Variants in FOXP2 observed in about 807,000 individuals in gnomAD.
FOXP2 encodes forkhead box P2.
A neutral mutation model predicts 115.8 loss-of-function variants in FOXP2; 12 were observed. The observed-to-expected ratio is 0.10, with a 90% CI of 0.07 to 0.17. FOXP2 has a LOEUF of 0.17. Ranked by LOEUF, FOXP2 falls within the 10% of genes least tolerant of loss-of-function variation. FOXP2 has a pLI of 1.00. For synonymous variants in FOXP2, 328 were observed against 297.7 expected, an observed-to-expected ratio of 1.10 and a Z score of -1.05; for missense variants, 629 against 843.5, an observed-to-expected ratio of 0.75 and a Z score of 3.15.
chr7:114,495,437 G>C (rs1337208094), intron 2 of FOXP2, among the ~76,000 whole-genome samples: 2 of 142,542 alleles, frequency 1.4e-5, no homozygotes, highest in Admixed American at 1.4e-4. Context: ...AGCAACTTTG[G>C]TACATTTTTA....
At chr7:114,561,870 G>T (rs1424985768) in intron 3 of FOXP2, among the ~76,000 whole-genome samples, 3 of 152,080 alleles carry the variant, frequency 2.0e-5, no homozygotes, top group African/African-American at 4.8e-5. Context: ...GTTTACAACA[G>T]CTTCTAACTC....
chr7:114,639,616 G>A (rs1805416657), intron 6 of FOXP2, among the ~76,000 whole-genome samples: 1 of 152,138 alleles, frequency 6.6e-6, no homozygotes, highest in Admixed American at 6.6e-5. Context: ...AAACTTAGAG[G>A]AGGTGAACTT....
chr7:114,121,182 G>A (rs1459520017), intron 1 of FOXP2, among the ~76,000 whole-genome samples: 1 of 151,968 alleles, frequency 6.6e-6, no homozygotes, highest in Non-Finnish European at 1.5e-5. Flanking sequence ...TGGAGCCCTC[G>A]TGAATGAGAT....
chr7:114,269,470 G>A (rs1245171221), intron 1 of FOXP2, among the ~76,000 whole-genome samples: 1 of 151,990 alleles, frequency 6.6e-6, no homozygotes, highest in East Asian at 1.9e-4. Flanking sequence ...CTGTCACCCA[G>A]GCTGTAGTAC....
At chr7:114,140,774 T>A (rs1792185647) in intron 1 of FOXP2, among the ~76,000 whole-genome samples, 1 of 152,152 alleles carries the variant, frequency 6.6e-6, no homozygotes, top group Admixed American at 6.5e-5. Context: ...CAACTAAAGG[T>A]GCTGGCTGCC....
intron 2 of FOXP2, among the ~76,000 whole-genome samples, chr7:114,346,942 A>C (rs1391897555): frequency 6.6e-6 from 1 of 151,860 alleles, no homozygotes; most frequent in Non-Finnish European, 1.5e-5. Flanking sequence ...CTCTACCTTG[A>C]TTGTATCAGT....
intron 3 of FOXP2, among the ~76,000 whole-genome samples, chr7:114,620,752 T>C (rs1014122875): frequency 6.6e-6 from 1 of 152,106 alleles, no homozygotes; most frequent in Non-Finnish European, 1.5e-5. Flanking sequence ...AGTTTTATAA[T>C]CTAACCTAAA....
At chr7:114,361,128 C>T (rs1267726283) in intron 2 of FOXP2, among the ~76,000 whole-genome samples, 3 of 152,008 alleles carry the variant, frequency 2.0e-5, no homozygotes, top group Non-Finnish European at 4.4e-5. Flanking sequence ...TCAGAGGTCT[C>T]TCATCAGAGA....
intron 1 of FOXP2, among the ~76,000 whole-genome samples, chr7:114,155,813 G>T (rs1009900080): frequency 6.6e-6 from 1 of 152,142 alleles, no homozygotes; most frequent in African/African-American, 2.4e-5. Flanking sequence ...AAGGAAGTAT[G>T]CATAGAAGAG....
intron 2 of FOXP2, among the ~76,000 whole-genome samples, chr7:114,345,875 C>G (rs527420217): frequency 2.6e-5 from 4 of 151,498 alleles, no homozygotes; most frequent in Non-Finnish European, 5.9e-5. Flanking sequence ...TCATCAGTAG[C>G]CTTATTTCAA....
chr7:114,106,358 CTT>C (rs199504822), intron 1 of FOXP2, among the ~76,000 whole-genome samples: 1 of 141,908 alleles, frequency 7.0e-6, no homozygotes. Context: ...CTGTCCCCTC[CTT>C]TTTTTTTTTT....
intron 1 of FOXP2, among the ~76,000 whole-genome samples, chr7:114,111,504 G>C (rs1421143687): frequency 6.6e-6 from 1 of 152,062 alleles, no homozygotes; most frequent in East Asian, 1.9e-4. Context: ...ACTAAATTTT[G>C]AGGTGGTTTG....
chr7:114,353,320 C>T (rs1000696028), intron 2 of FOXP2, among the ~76,000 whole-genome samples: 1 of 134,756 alleles, frequency 7.4e-6, no homozygotes, highest in African/African-American at 2.7e-5. Flanking sequence ...ATTTGTTAAT[C>T]TGTATAGGAG....
chr7:114,288,004 T>G, intron 1 of FOXP2: 1 of 432,798 alleles, frequency 2.3e-6, no homozygotes, highest in South Asian at 1.7e-5. Context: ...GACAATTATT[T>G]GTCTCTATTA....
intron 2 of FOXP2, among the ~76,000 whole-genome samples, chr7:114,461,181 C>T (rs577340953): frequency 1.3e-5 from 2 of 152,254 alleles, no homozygotes; most frequent in African/African-American, 4.8e-5. Flanking sequence ...ATGATGATTT[C>T]ATTAGCTTAA....
intron 2 of FOXP2, among the ~76,000 whole-genome samples, chr7:114,368,534 TA>T (rs1791932128): frequency 6.6e-6 from 1 of 152,178 alleles, no homozygotes; most frequent in Admixed American, 6.5e-5. Flanking sequence ...CCATGGGTGT[TA>T]TCCTGAAGAA....
At chr7:114,203,889 G>A (rs1011601280) in intron 1 of FOXP2, among the ~76,000 whole-genome samples, 1 of 151,986 alleles carries the variant, frequency 6.6e-6, no homozygotes, top group Non-Finnish European at 1.5e-5. Flanking sequence ...TACATTGAGG[G>A]TATGGGTGGA....
intron 1 of FOXP2, among the ~76,000 whole-genome samples, chr7:114,271,639 TATTA>T (rs1217732656): frequency 2.4e-3 from 294 of 120,908 alleles, no homozygotes; most frequent in Non-Finnish European, 3.2e-3. Flanking sequence ...TTAATATAAT[TATTA>T]ATTATTATAA....
intron 1 of FOXP2, among the ~76,000 whole-genome samples, chr7:114,181,634 G>A (rs1018568081): frequency 4.6e-5 from 7 of 151,978 alleles, no homozygotes; most frequent in African/African-American, 1.4e-4. Flanking sequence ...GTTACTAAGT[G>A]ATACAGCCAA....
Sources: gnomAD v4.1 joint callset for allele counts (sites outside exome capture counted in the v4.1 genomes callset) on GRCh38, gnomAD v4.1.1 for gene constraint, MANE v1.5 for transcripts, NCBI Gene and HGNC (gene_info 2026-07-23, HGNC 2026-07-21) for gene names.